ARPP19: variants seen among roughly 807,000 people sequenced by gnomAD.
ARPP19 encodes the protein cAMP-regulated phosphoprotein 19.
ARPP19 carries 8 observed loss-of-function variants against 12.0 expected under a neutral mutation model. The ratio of observed to expected loss-of-function variants is 0.67; its 90% CI spans 0.39 to 1.21. The LOEUF (loss-of-function observed/expected upper bound fraction) is 1.21, where lower values mean the gene tolerates loss of function less well. ARPP19 is among the 50% of genes most tolerant of loss of function. The pLI is 0.01. For missense variants in ARPP19, 102 were observed against 136.3 expected (o/e 0.75, Z 1.25); for synonymous variants, 47 against 50.4 (o/e 0.93, Z 0.29).
Position 52,568,943 on chromosome 15 carries a change from G to T in ARPP19, c.-51C>A. ...CGGGAAAAGATGCAATTAGCGGGTGGCCGAGGCCACCCGGCCGCCGCCCGT... is the reference window on the plus strand; with the variant it reads ...CGGGAAAAGATGCAATTAGCGGGTGTCCGAGGCCACCCGGCCGCCGCCCGT... On this transcript the variant is annotated 5_prime_UTR_variant, in exon 1 of 3. Transcript: ENST00000249822. 14 of 1,116,956 alleles carry T rather than the reference G, an allele frequency of 1.3e-5. No individual in the cohort carries two copies. Among genetic ancestry groups the T allele is most frequent in the Non-Finnish European group, 1.8e-5 (14 of 797,288 alleles). The allele number at this position is 1,116,956 out of a possible 1,614,324, so 69.2% of individuals were successfully genotyped here. A position where few individuals can be genotyped will look rare whatever the true frequency, so the allele number is the denominator to read the frequency against.
intron 1 of ARPP19, among the ~76,000 whole-genome samples, chr15:52,565,141 G>A (rs957719800): frequency 2.0e-5 from 3 of 150,834 alleles, no homozygotes; most frequent in African/African-American, 7.3e-5. Context: ...TTGACCTCCT[G>A]GAGGTCAAGT....
intron 1 of ARPP19, among the ~76,000 whole-genome samples, chr15:52,559,172 G>C (rs146709459): frequency 6.6e-6 from 1 of 152,068 alleles, no homozygotes; most frequent in African/African-American, 2.4e-5. Flanking sequence ...CAGTGGCCAC[G>C]TCATTCACTC....
intron 1 of ARPP19, among the ~76,000 whole-genome samples, chr15:52,560,706 T>G (rs1366936269): frequency 6.6e-6 from 1 of 152,254 alleles, no homozygotes; most frequent in Non-Finnish European, 1.5e-5. Context: ...TGCATTAATA[T>G]TCTGACAGTT....
In ARPP19 at chr15:52,547,097, C is replaced by CAAAAAAAAAAAA. The variant is rs58435724; in HGVS notation, c.*4825_*4836dup. ...CTTAAGTACAAAGCCTTTACAAATGCAAAAAAAAAAAAAAAATCAAAGATT... is the reference window on the plus strand; with the variant it reads ...CTTAAGTACAAAGCCTTTACAAATGCAAAAAAAAAAAAAAAAAAAAAAAAAAAATCAAAGATT... On this transcript the variant is annotated 3_prime_UTR_variant, in exon 3 of 3. Coordinates refer to ENST00000249822, the MANE Select transcript of ARPP19 (RefSeq NM_006628.6). 1 of 135,774 alleles carries CAAAAAAAAAAAA rather than the reference C, an allele frequency of 7.4e-6. No individual in the cohort carries two copies. The highest frequency in any genetic ancestry group is 2.8e-5 in the African/African-American group (1 of 36,288). The allele number at this position is 135,774 out of a possible 1,614,324, so 8.4% of individuals were successfully genotyped here.
At chr15:52,561,741 G>A (rs1462366005) in intron 1 of ARPP19, among the ~76,000 whole-genome samples, 2 of 150,446 alleles carry the variant, frequency 1.3e-5, no homozygotes, top group African/African-American at 4.9e-5. Flanking sequence ...CCATACTGAA[G>A]CAACAGACTG....
intron 2 of ARPP19, among the ~76,000 whole-genome samples, chr15:52,554,831 T>G (rs922846270): frequency 3.3e-5 from 5 of 152,168 alleles, no homozygotes; most frequent in Non-Finnish European, 5.9e-5. Flanking sequence ...ATAATCTATG[T>G]AGTCATGTGT....
Position 52,558,226 on chromosome 15 carries a change from T to C in ARPP19, c.46-1004A>G, listed in dbSNP as rs117793681. Among the ~76,000 whole-genome samples, 485 of 152,240 alleles carry C rather than the reference T, an allele frequency of 3.2e-3. 4 individuals are homozygous for C. Among genetic ancestry groups the C allele is most frequent in the Middle Eastern group, 0.01 (3 of 294 alleles). Reference sequence around the variant, plus strand: ...CAACACTTTGGGAGCTGTGGGCGGATTGCTTGAAGCTAGTAGTTCGAGACC... The same window carrying C: ...CAACACTTTGGGAGCTGTGGGCGGACTGCTTGAAGCTAGTAGTTCGAGACC... On this transcript the variant is annotated intron_variant, in intron 1 of 2. Coordinates refer to ENST00000249822, the MANE Select transcript of ARPP19 (RefSeq NM_006628.6).
intron 1 of ARPP19, among the ~76,000 whole-genome samples, chr15:52,560,360 TAAA>T (rs1253323189): frequency 6.6e-6 from 1 of 151,984 alleles, no homozygotes; most frequent in African/African-American, 2.4e-5. Flanking sequence ...TTAATTAAAT[TAAA>T]AAATGTTTGG....
chr15:52,562,292 T>C (rs1300126955), intron 1 of ARPP19, among the ~76,000 whole-genome samples: 2 of 152,168 alleles, frequency 1.3e-5, no homozygotes, highest in Non-Finnish European at 2.9e-5. Context: ...TACTAGGCCA[T>C]AAAGCAAATC....
chr15:52,547,606 C>T lies in ARPP19; in HGVS notation c.*4328G>A, dbSNP rs751699575. ...ATTAGAAGGTTGAAACTTAGTAAAA[C>T]CGTATTAAAGTCAGTGTTTTTATTC... is the stretch of plus-strand genomic sequence containing the variant. On this transcript the variant is annotated 3_prime_UTR_variant, in exon 3 of 3. Transcript: ENST00000249822. 6.6e-6 allele frequency: 1 copy of T among 152,080 alleles called. No individual in the cohort carries two copies. The highest frequency in any genetic ancestry group is 6.5e-5 in the Admixed American group (1 of 15,272). 9.4% of individuals were successfully genotyped at this position (152,080 alleles called of 1,614,324 possible). A position where few individuals can be genotyped will look rare whatever the true frequency, so the allele number is the denominator to read the frequency against.
At chr15:52,554,893 T>C (rs1291448200) in intron 2 of ARPP19, among the ~76,000 whole-genome samples, 1 of 152,116 alleles carries the variant, frequency 6.6e-6, no homozygotes, top group East Asian at 1.9e-4. Flanking sequence ...CATAATAACA[T>C]TAATGAGTAC....
chr15:52,560,183 C>CT lies in ARPP19; in HGVS notation c.46-2962dup, dbSNP rs889777321. Among the ~76,000 whole-genome samples, 241 of 147,948 alleles carry CT rather than the reference C, an allele frequency of 1.6e-3. 2 individuals carry two copies. Among genetic ancestry groups the CT allele is most frequent in the Admixed American group, 3.6e-3 (54 of 14,806 alleles). ...CCGGGCATTCCCTTATTTTCTTTTT[C>CT]TTTTTTTTTTGCCATGTTGGCCAGG... On this transcript the variant is annotated intron_variant, in intron 1 of 2. Coordinates refer to ENST00000249822, the MANE Select transcript of ARPP19 (RefSeq NM_006628.6).
chr15:52,567,411 C>T (rs2078093794), intron 1 of ARPP19, among the ~76,000 whole-genome samples: 1 of 152,176 alleles, frequency 6.6e-6, no homozygotes, highest in Admixed American at 6.5e-5. Context: ...AAGAAAATTA[C>T]ATAGCACACT....
intron 1 of ARPP19, chr15:52,568,601 G>A: frequency 2.2e-6 from 1 of 452,524 alleles, no homozygotes; most frequent in Non-Finnish European, 3.9e-6. Context: ...ATAAGTGACT[G>A]AGGAACACCG....
At chr15:52,564,126 A>G in intron 1 of ARPP19, 1 of 1,179,712 alleles carries the variant, frequency 8.5e-7, no homozygotes, top group African/African-American at 1.5e-5. Context: ...ACCCTAACAA[A>G]CTGTTGTATC....
At chr15:52,568,704 G>T (rs1164060127) in intron 1 of ARPP19, 144 bp downstream of exon 1, 1 of 517,858 alleles carries the variant, frequency 1.9e-6, no homozygotes, top group South Asian at 3.1e-5. Context: ...CAGCGACGGC[G>T]GGAAGCCAAA....
Position 52,557,166 on chromosome 15 carries a change from T to C in ARPP19, c.102A>G (p.Ala34=). ...GCTTTTGTCCCAGATGAGGATATCT[T>C]GCTTTTAATTTTGCTTCTTCTGCTT... ...PEKAEEAKLK[A]RYPHLGQKPG... is the part of the protein sequence containing the mutation. Residue 34 remains alanine (A), a synonymous_variant, in exon 2 of 3, where the codon GCA becomes GCG. Transcript: ENST00000249822. 1 of 1,612,994 alleles carries C rather than the reference T, an allele frequency of 6.2e-7. No individual in the cohort carries two copies. The highest frequency in any genetic ancestry group is 1.3e-5 in the African/African-American group (1 of 75,036).
intron 1 of ARPP19, chr15:52,568,570 GTCCTGGGCTCTCGCGTAAATATAA>G (rs2078108044): frequency 2.4e-6 from 1 of 415,738 alleles, no homozygotes; most frequent in Admixed American, 4.6e-5. Context: ...CAAAGCCTGC[GTCCTGGGCTCTCGCGTAAATATAA>G]GTGACTGAGG....
Position 52,548,618 on chromosome 15 carries a change from C to T in ARPP19, c.*3316G>A, listed in dbSNP as rs1209800437. On this transcript the variant is annotated 3_prime_UTR_variant, in exon 3 of 3. Transcript: ENST00000249822. ...CTTATCCACACTGTATACTACCTGCCCCTTAGTCACTTAGTAGCCGCCTTG... is the reference window on the plus strand; with the variant it reads ...CTTATCCACACTGTATACTACCTGCTCCTTAGTCACTTAGTAGCCGCCTTG... 6.6e-6 allele frequency: 1 copy of T among 152,350 alleles called. No homozygotes were observed. The highest frequency in any genetic ancestry group is 1.9e-4 in the East Asian group (1 of 5,200). 9.4% of individuals were successfully genotyped at this position (152,350 alleles called of 1,614,324 possible).
Sources: gnomAD v4.1 joint callset for allele counts (sites outside exome capture counted in the v4.1 genomes callset) on GRCh38, gnomAD v4.1.1 for gene constraint, MANE v1.5 for transcripts, NCBI Gene and HGNC (gene_info 2026-07-23, HGNC 2026-07-21) for gene names.